The following ADAMTS18 variants were observed in gnomAD, a reference collection of about 807,000 sequenced individuals.
ADAMTS18 encodes A disintegrin and metalloproteinase with thrombospondin motifs 18.
In ADAMTS18, 157 loss-of-function variants were observed where a neutral mutation model predicts 165.9. The ratio of observed to expected loss-of-function variants is 0.95; its 90% CI spans 0.83 to 1.08. The LOEUF (loss-of-function observed/expected upper bound fraction) is 1.08. Among genes scored for constraint, ADAMTS18 ranks in the 50% least tolerant of loss-of-function variants. The pLI is 0.00. For missense variants in ADAMTS18, 2,040 were observed against 1,534.0 expected (o/e 1.33, Z -5.51); for synonymous variants, 782 against 578.2 (o/e 1.35, Z -5.06).
At chr16:77,290,995 T>C (rs2055351517) in intron 21 of ADAMTS18, 3 of 509,756 alleles carry the variant, frequency 5.9e-6, no homozygotes, top group South Asian at 4.2e-5. Flanking sequence ...AGTGTATAAC[T>C]GGCCTGGTGG....
chr16:77,291,355 C>T lies in ADAMTS18; in HGVS notation c.3313G>A (p.Asp1105Asn). ...RCRNIKKPNLDLEETCNRRAC... is the reference protein window; with the variant it reads ...RCRNIKKPNLNLEETCNRRAC... Reference sequence around the variant, plus strand: ...CGTCGGTTGCAGGTCTCTTCCAAGTCCAGATTTGGTTTCTTAATATTACGG... The same window carrying T: ...CGTCGGTTGCAGGTCTCTTCCAAGTTCAGATTTGGTTTCTTAATATTACGG... Residue 1105 changes from aspartate (D) to asparagine (N), a missense_variant, in exon 21 of 23, where the codon GAC becomes AAC. Asp to Asn is a conservative substitution (Grantham distance 23). Transcript: ENST00000282849. 5 of 1,614,164 alleles carry T rather than the reference C, an allele frequency of 3.1e-6. No homozygotes were observed. The highest frequency in any genetic ancestry group is 1.3e-5 in the African/African-American group (1 of 75,048).
At chr16:77,349,322 A>G (rs2056521321) in intron 10 of ADAMTS18, among the ~76,000 whole-genome samples, 1 of 152,016 alleles carries the variant, frequency 6.6e-6, no homozygotes. Context: ...TTTTGCCCAC[A>G]AGGAGATTCC....
chr16:77,283,716 T>A lies in ADAMTS18; in HGVS notation c.*240A>T. 1 of 506,160 alleles carries A rather than the reference T, an allele frequency of 2.0e-6. No individual in the cohort carries two copies. Among genetic ancestry groups the A allele is most frequent in the South Asian group, 2.1e-5 (1 of 47,294 alleles). The allele number at this position is 506,160 out of a possible 1,614,324, so 31.4% of individuals were successfully genotyped here. A position where few individuals can be genotyped will look rare whatever the true frequency, so the allele number is the denominator to read the frequency against. On this transcript the variant is annotated 3_prime_UTR_variant, in exon 23 of 23. Transcript: ENST00000282849. ...ATATAACAGTGCAAATCAAAGATTT[T>A]TTTTAAAGTCAGATTTGTCATCGCT...
chr16:77,306,419 T>G (rs8063140), intron 16 of ADAMTS18, among the ~76,000 whole-genome samples: 3 of 152,206 alleles, frequency 2.0e-5, no homozygotes, highest in African/African-American at 4.8e-5. Flanking sequence ...TTAAGGCACA[T>G]AAAATTAAAA....
chr16:77,373,439 G>A (rs1410014007), intron 3 of ADAMTS18, among the ~76,000 whole-genome samples: 7 of 149,730 alleles, frequency 4.7e-5, no homozygotes, highest in Non-Finnish European at 8.9e-5. Flanking sequence ...AGCCTGGGCG[G>A]CAGGGCAAGA....
intron 10 of ADAMTS18, among the ~76,000 whole-genome samples, chr16:77,348,965 A>G (rs2056516287): frequency 6.6e-6 from 1 of 152,230 alleles, no homozygotes; most frequent in Non-Finnish European, 1.5e-5. Context: ...GGAAAAGGAA[A>G]TATTTGGAAA....
At chr16:77,409,617 C>A (rs1434573217) in intron 3 of ADAMTS18, among the ~76,000 whole-genome samples, 1 of 152,116 alleles carries the variant, frequency 6.6e-6, no homozygotes, top group Non-Finnish European at 1.5e-5. Context: ...CTACAGTATA[C>A]ACTGAAACCC....
intron 12 of ADAMTS18, among the ~76,000 whole-genome samples, chr16:77,332,537 G>A (rs1323524524): frequency 6.6e-6 from 1 of 152,116 alleles, no homozygotes; most frequent in African/African-American, 2.4e-5. Flanking sequence ...ATAAACCCAA[G>A]TCAAATGACT....
chr16:77,417,286 G>C (rs62043621), intron 3 of ADAMTS18, among the ~76,000 whole-genome samples: 9 of 152,194 alleles, frequency 5.9e-5, no homozygotes, highest in Non-Finnish European at 1.0e-4. Flanking sequence ...AGCTGGGTGG[G>C]TGAGTGGGTG....
intron 10 of ADAMTS18, among the ~76,000 whole-genome samples, chr16:77,342,811 G>A (rs1013716759): frequency 1.3e-5 from 2 of 152,166 alleles, no homozygotes; most frequent in African/African-American, 2.4e-5. Context: ...AATTGAAATG[G>A]AGAGGCAGAG....
intron 10 of ADAMTS18, among the ~76,000 whole-genome samples, chr16:77,351,695 C>G (rs2056558384): frequency 3.3e-5 from 5 of 152,084 alleles, no homozygotes; most frequent in Admixed American, 2.6e-4. Context: ...TCTGCCAAAA[C>G]CATCAACTTA....
chr16:77,434,226 C>G (rs2057769703), intron 2 of ADAMTS18, among the ~76,000 whole-genome samples, 192 bp downstream of exon 2: 1 of 152,082 alleles, frequency 6.6e-6, no homozygotes, highest in African/African-American at 2.4e-5. Flanking sequence ...TGACTTGCAG[C>G]TCGGGGCGTT....
chr16:77,390,507 T>C (rs1308309188), intron 3 of ADAMTS18, among the ~76,000 whole-genome samples: 1 of 151,820 alleles, frequency 6.6e-6, no homozygotes, highest in Non-Finnish European at 1.5e-5. Flanking sequence ...CTGACCGAAA[T>C]GGTGAAATGC....
intron 3 of ADAMTS18, among the ~76,000 whole-genome samples, chr16:77,401,132 A>G (rs141758732): frequency 0.016 from 2,489 of 152,008 alleles, 70 homozygotes; most frequent in African/African-American, 0.057. Context: ...GCGGGTGCCT[A>G]TAATACCAGC....
At chr16:77,311,461 A>G (rs1181896881) in intron 16 of ADAMTS18, among the ~76,000 whole-genome samples, 1 of 152,222 alleles carries the variant, frequency 6.6e-6, no homozygotes, top group East Asian at 1.9e-4. Context: ...ACAGCCATGG[A>G]TCACTTGGAT....
At chr16:77,334,189 GTT>G (rs2056245285) in intron 12 of ADAMTS18, among the ~76,000 whole-genome samples, 1 of 73,230 alleles carries the variant, frequency 1.4e-5, no homozygotes, top group Non-Finnish European at 2.4e-5. Context: ...AATATATAGT[GTT>G]ATATATTACA....
intron 3 of ADAMTS18, among the ~76,000 whole-genome samples, chr16:77,402,438 G>A (rs1399228003): frequency 6.6e-6 from 1 of 152,154 alleles, no homozygotes; most frequent in Non-Finnish European, 1.5e-5. Flanking sequence ...TTCTAACATA[G>A]AGAGGGCTTT....
At chr16:77,321,053 C>A (rs564024738) in intron 15 of ADAMTS18, 26 bp downstream of exon 15, 1 of 1,614,076 alleles carries the variant, frequency 6.2e-7, no homozygotes, top group South Asian at 1.1e-5. Context: ...ATCTCATTAA[C>A]AATAACAAAC....
intron 12 of ADAMTS18, among the ~76,000 whole-genome samples, chr16:77,334,133 T>A (rs62652205): frequency 1.9e-5 from 1 of 53,748 alleles, no homozygotes; most frequent in Non-Finnish European, 3.3e-5. Context: ...ATATAATATA[T>A]AGTGTTATAT....
Sources: allele counts gnomAD v4.1 joint callset (sites outside exome capture counted in the v4.1 genomes callset), GRCh38; gene constraint gnomAD v4.1.1; transcripts MANE v1.5; gene names NCBI Gene and HGNC (gene_info 2026-07-23, HGNC 2026-07-21).